Variants in CCDC73 observed in about 807,000 individuals in gnomAD.
CCDC73 encodes the protein coiled-coil domain containing 73.
Under a neutral mutation model 116.5 loss-of-function variants are expected in CCDC73, and 95 were observed. The ratio of observed to expected loss-of-function variants is 0.82; its 90% CI spans 0.69 to 0.97. The LOEUF is 0.97. Ranked by LOEUF, CCDC73 falls within the 50% of genes least tolerant of loss-of-function variation. CCDC73 has a pLI of 0.00. For missense variants in CCDC73, 1,066 were observed against 1,206.8 expected (o/e 0.88, Z 1.73); for synonymous variants, 398 against 401.3 (o/e 0.99, Z 0.10).
intron 1 of CCDC73, among the ~76,000 whole-genome samples, chr11:32,790,952 CT>C (rs1850669397): frequency 6.6e-6 from 1 of 152,120 alleles, no homozygotes; most frequent in Non-Finnish European, 1.5e-5. Context: ...CAACTTTTAA[CT>C]AAACTAAACT....
intron 1 of CCDC73, among the ~76,000 whole-genome samples, chr11:32,775,498 T>C (rs184038401): frequency 7.9e-4 from 120 of 152,300 alleles, no homozygotes; most frequent in African/African-American, 2.7e-3. Flanking sequence ...TTAATTTTAT[T>C]TATTATACCT....
intron 17 of CCDC73, among the ~76,000 whole-genome samples, chr11:32,606,636 TAAGA>T (rs1222703949): frequency 6.6e-6 from 1 of 152,174 alleles, no homozygotes; most frequent in Non-Finnish European, 1.5e-5. Flanking sequence ...TTGTGAAAGT[TAAGA>T]AAGTATAATA....
At chr11:32,743,066 G>GTATATATACAAAC (rs2133358996) in intron 2 of CCDC73, among the ~76,000 whole-genome samples, 1 of 152,274 alleles carries the variant, frequency 6.6e-6, no homozygotes, top group East Asian at 1.9e-4. Context: ...TAGCCTTGTA[G>GTATATATACAAAC]TATAGTTTGA....
intron 12 of CCDC73, among the ~76,000 whole-genome samples, chr11:32,643,279 C>T (rs990092286): frequency 4.6e-5 from 7 of 151,900 alleles, no homozygotes; most frequent in Non-Finnish European, 8.8e-5. Context: ...TTTAAGAGTA[C>T]CCAGTGAATA....
At chr11:32,757,182 AC>A (rs1451190197) in intron 2 of CCDC73, among the ~76,000 whole-genome samples, 1 of 152,140 alleles carries the variant, frequency 6.6e-6, no homozygotes, top group Non-Finnish European at 1.5e-5. Flanking sequence ...GTTAAAAAAA[AC>A]TTGCACAAAA....
intron 6 of CCDC73, among the ~76,000 whole-genome samples, chr11:32,691,316 G>T (rs955421767): frequency 3.3e-5 from 5 of 152,142 alleles, no homozygotes; most frequent in African/African-American, 1.2e-4. Flanking sequence ...AAAGTGCTGA[G>T]ATTACAGGTG....
intron 14 of CCDC73, among the ~76,000 whole-genome samples, chr11:32,625,916 G>A (rs959449952): frequency 6.9e-6 from 1 of 144,888 alleles, no homozygotes; most frequent in African/African-American, 2.5e-5. Context: ...TTGAAAACTG[G>A]CACAAGACAG....
the CCDC73 span, among the ~76,000 whole-genome samples, chr11:32,800,817 TATA>T: frequency 1.3e-5 from 2 of 152,202 alleles, no homozygotes; most frequent in African/African-American, 4.8e-5. Flanking sequence ...GAGTAGATAG[TATA>T]ACCATTTAAT....
At chr11:32,616,453 G>A (rs1855475493) in intron 14 of CCDC73, among the ~76,000 whole-genome samples, 2 of 152,104 alleles carry the variant, frequency 1.3e-5, no homozygotes, top group Admixed American at 1.3e-4. Flanking sequence ...GACATGGCAG[G>A]CAAATTGTTT....
chr11:32,632,182 G>A (rs1478198992), intron 14 of CCDC73, among the ~76,000 whole-genome samples: 2 of 152,110 alleles, frequency 1.3e-5, no homozygotes, highest in Admixed American at 1.3e-4. Flanking sequence ...ATGTGCTGCT[G>A]AAGAGAATGT....
chr11:32,629,933 A>AAAAAAAAAAAAAAAAT, intron 14 of CCDC73, among the ~76,000 whole-genome samples: 1 of 148,630 alleles, frequency 6.7e-6, no homozygotes, highest in African/African-American at 2.6e-5. Context: ...AAAAAAAAAA[A>AAAAAAAAAAAAAAAAT]ACAAAAAAAA....
chr11:32,734,885 A>T (rs1487059883), intron 2 of CCDC73, among the ~76,000 whole-genome samples: 1 of 152,198 alleles, frequency 6.6e-6, no homozygotes, highest in Non-Finnish European at 1.5e-5. Context: ...CATTAAACAT[A>T]ATCCAAGATA....
chr11:32,607,080 A>AT (rs759164050), intron 17 of CCDC73, among the ~76,000 whole-genome samples: 3,423 of 74,098 alleles, frequency 0.046, 352 homozygotes, highest in East Asian at 0.19. Flanking sequence ...CCAAAAATAA[A>AT]TTTTTTTTTT....
intron 12 of CCDC73, among the ~76,000 whole-genome samples, chr11:32,647,036 A>G (rs1855784531): frequency 6.6e-6 from 1 of 152,194 alleles, no homozygotes; most frequent in Non-Finnish European, 1.5e-5. Context: ...CTTAGTTTCT[A>G]CAAGGTTTTT....
chr11:32,674,325 A>C (rs1045150940), intron 9 of CCDC73, among the ~76,000 whole-genome samples: 2 of 152,306 alleles, frequency 1.3e-5, no homozygotes, highest in South Asian at 4.2e-4. Context: ...CAGTATCGAG[A>C]GAGGGATTGG....
chr11:32,700,975 T>C, intron 4 of CCDC73, 149 bp from the exon 5 acceptor site: 1 of 380,802 alleles, frequency 2.6e-6, no homozygotes, highest in Non-Finnish European at 4.8e-6. Context: ...AGAAAATAAA[T>C]AATAATGATA....
At chr11:32,623,554 A>G (rs544111479) in intron 14 of CCDC73, among the ~76,000 whole-genome samples, 1 of 152,098 alleles carries the variant, frequency 6.6e-6, no homozygotes, top group Non-Finnish European at 1.5e-5. Flanking sequence ...GGGTCTCACT[A>G]TGTTCTCCAG....
chr11:32,702,290 C>A (rs12287838), intron 4 of CCDC73, among the ~76,000 whole-genome samples: 1,821 of 152,246 alleles, frequency 0.012, 36 homozygotes, highest in African/African-American at 0.042. Flanking sequence ...TTGGTAGGAA[C>A]TGAAGAGAAA....
In CCDC73 at chr11:32,616,018, T is replaced by C. The variant is rs1277802985; in HGVS notation, c.1297A>G (p.Asn433Asp). 6.2e-7 allele frequency: 1 copy of C among 1,603,378 alleles called. No homozygotes were observed. Among genetic ancestry groups the C allele is most frequent in the Admixed American group, 1.7e-5 (1 of 58,738 alleles). The change falls in exon 15 of 18, where the codon AAT becomes GAT. Residue 433 changes from asparagine (N) to aspartate (D), a missense_variant. Physicochemically the swap from Asn to Asp is conservative, Grantham distance 23. Transcript: ENST00000335185. ...EQEIREENME[N>D]FCSDTEYREK... is the part of the protein sequence containing the mutation. The stretch of plus-strand genomic sequence containing the variant: ...CTGTATTCAGTATCTGAACAAAAAT[T>C]CTCCATATTTTCTTCCCTTATTTCT...
Sources: allele counts gnomAD v4.1 joint callset (sites outside exome capture counted in the v4.1 genomes callset), GRCh38; gene constraint gnomAD v4.1.1; transcripts MANE v1.5; gene names NCBI Gene and HGNC (gene_info 2026-07-23, HGNC 2026-07-21).